Variants in STEAP3 observed in about 807,000 individuals in gnomAD.
The protein encoded by STEAP3 is metalloreductase STEAP3.
A neutral mutation model predicts 34.9 loss-of-function variants in STEAP3; 35 were observed. That is an observed-to-expected ratio of 1.00 (90% confidence interval 0.76 to 1.33). STEAP3 has a LOEUF of 1.33. Ranked by LOEUF, STEAP3 falls within the 40% of genes most tolerant of loss-of-function variation. The pLI is 0.00. For synonymous variants in STEAP3, 281 were observed against 301.6 expected, an observed-to-expected ratio of 0.93 and a Z score of 0.71; for missense variants, 652 against 667.6, an observed-to-expected ratio of 0.98 and a Z score of 0.26.
At position 119,247,991 on chromosome 2, in the gene STEAP3, C is replaced by T; in HGVS notation, c.835C>T (p.Leu279Phe). Residue 279 changes from leucine to phenylalanine, a missense_variant, in exon 4 of 6, where the codon CTC (leucine) becomes TTC (phenylalanine). Coordinates refer to ENST00000393110, the MANE Select transcript of STEAP3 (RefSeq NM_182915.3). Reference protein sequence around the residue: ...LPCVAYVLLSLVYLPGVLAAA... With the variant: ...LPCVAYVLLSFVYLPGVLAAA... ...GTGCGTGGCCTACGTGCTGCTGTCA[C>T]TCGTGTACTTGCCCGGCGTGCTGGC... 6.2e-7 allele frequency: 1 copy of T among 1,612,496 alleles called. No homozygotes were observed. Among genetic ancestry groups the T allele is most frequent in the Non-Finnish European group, 8.5e-7 (1 of 1,179,958 alleles).
intron 2 of STEAP3, chr2:119,244,413 T>TA (rs61489779): frequency 6.6e-6 from 1 of 151,342 alleles, no homozygotes; most frequent in Non-Finnish European, 1.5e-5. Context: ...ATTTTTTTTT[T>TA]ATTTTTTTAG....
At chr2:119,257,763 A>C in intron 5 of STEAP3, 1 of 1,339,010 alleles carries the variant, frequency 7.5e-7, no homozygotes, top group Non-Finnish European at 9.6e-7. Context: ...CCTCCCCTAC[A>C]CACATGTCCA....
rs372065464 is a variant in STEAP3, at chr2:119,232,536, T to C, written c.22+1502T>C. Among the ~76,000 whole-genome samples, 419 of 152,322 alleles carry C rather than the reference T, an allele frequency of 2.8e-3. 4 individuals carry two copies. Among genetic ancestry groups the C allele is most frequent in the African/African-American group, 9.4e-3 (391 of 41,570 alleles). On this transcript the variant is annotated intron_variant, in intron 2 of 5. Coordinates refer to ENST00000393110, the MANE Select transcript of STEAP3 (RefSeq NM_182915.3). ...CTGTTGGGGAAGACGGAATTCATGC[T>C]GTAGGGGAGGCCCGGAGTTTCTACA...
intron 1 of STEAP3, among the ~76,000 whole-genome samples, chr2:119,225,283 G>C (rs779610484): frequency 6.6e-6 from 1 of 152,240 alleles, no homozygotes; most frequent in Non-Finnish European, 1.5e-5. Context: ...TGTCTAATGG[G>C]TAAGTGGGCG....
At chr2:119,228,455 G>T (rs747119294) in intron 1 of STEAP3, among the ~76,000 whole-genome samples, 1 of 152,186 alleles carries the variant, frequency 6.6e-6, no homozygotes, top group African/African-American at 2.4e-5. Context: ...CCATCAAATC[G>T]CCCCAACCTG....
At chr2:119,235,447 C>T (rs1439714447) in intron 2 of STEAP3, among the ~76,000 whole-genome samples, 3 of 152,234 alleles carry the variant, frequency 2.0e-5, no homozygotes, top group Non-Finnish European at 4.4e-5. Flanking sequence ...GTTGCTCTTG[C>T]ATGCAAGTGA....
At chr2:119,225,715 G>A (rs1191078463) in intron 1 of STEAP3, among the ~76,000 whole-genome samples, 1 of 152,222 alleles carries the variant, frequency 6.6e-6, no homozygotes, top group Non-Finnish European at 1.5e-5. Flanking sequence ...GCAAAAGGTC[G>A]CTGGCTGAGT....
At chr2:119,241,896 A>G (rs1260577232) in intron 2 of STEAP3, among the ~76,000 whole-genome samples, 1 of 152,216 alleles carries the variant, frequency 6.6e-6, no homozygotes, top group Non-Finnish European at 1.5e-5. Context: ...GAGGTAAATC[A>G]TTCGAGGTTT....
At position 119,263,233 on chromosome 2, in the gene STEAP3, C is replaced by T. The variant is rs755691787; in HGVS notation, c.1392C>T (p.Ile464=). Residue 464 remains isoleucine, a synonymous_variant, in exon 6 of 6, where the codon ATC becomes ATT. Coordinates refer to ENST00000393110, the MANE Select transcript of STEAP3 (RefSeq NM_182915.3). ...AAGCCCTGTTTCTCCTGCCCTGCAT[C>T]AGCCGCAGACTCGCCAGGATCCGGA... The part of the protein sequence containing the change: ...LAKALFLLPC[I]SRRLARIRRG... 2.5e-6 allele frequency: 4 copies of T among 1,614,164 alleles called. No individual in the cohort carries two copies. Among genetic ancestry groups the T allele is most frequent in the Non-Finnish European group, 3.4e-6 (4 of 1,180,036 alleles).
At position 119,254,588 on chromosome 2, in the gene STEAP3, G is replaced by A. The variant is rs181882295; in HGVS notation, c.1051-96G>A. ...AGGTAGCGTCAGGTGCAGTGTGAGC[G>A]CCCGCCGTCTTGTCTTTCTTGTGTC... On this transcript the variant is annotated intron_variant, in intron 4 of 5. Transcript: ENST00000393110. 116 of 1,422,152 alleles carry A rather than the reference G, an allele frequency of 8.2e-5. 2 individuals carry two copies. Among genetic ancestry groups the A allele is most frequent in the African/African-American group, 7.9e-4 (56 of 71,334 alleles). The allele number at this position is 1,422,152 out of a possible 1,614,324, so 88.1% of individuals were successfully genotyped here. A position where few individuals can be genotyped will look rare whatever the true frequency, so the allele number is the denominator to read the frequency against.
Position 119,234,928 on chromosome 2 carries a change from T to G in STEAP3, c.22+3894T>G, listed in dbSNP as rs76364110. 7.5e-3 allele frequency among the ~76,000 whole-genome samples: 1,139 copies of G among 152,104 alleles called. 34 individuals are homozygous for G. In the South Asian group the frequency reaches 0.088, roughly 12 times the overall value. On this transcript the variant is annotated intron_variant, in intron 2 of 5. Transcript: ENST00000393110. ...ATCCTTCCCATACGCTGGCGATGGG[T>G]AGTAATGAACTGTCCCAGTGAGCAG...
intron 2 of STEAP3, among the ~76,000 whole-genome samples, chr2:119,236,084 A>T (rs13391380): frequency 0.074 from 11,290 of 152,246 alleles, 467 homozygotes; most frequent in Middle Eastern, 0.11. Flanking sequence ...CCTCCAGGCC[A>T]TTATCTTAGA....
At chr2:119,230,029 T>C (rs1349024850) in intron 1 of STEAP3, among the ~76,000 whole-genome samples, 1 of 152,184 alleles carries the variant, frequency 6.6e-6, no homozygotes, top group Non-Finnish European at 1.5e-5. Flanking sequence ...AGAACCTGTT[T>C]ATCAGATGCT....
intron 1 of STEAP3, among the ~76,000 whole-genome samples, chr2:119,224,496 C>T (rs1678975385): frequency 6.6e-6 from 1 of 152,238 alleles, no homozygotes; most frequent in Admixed American, 6.5e-5. Context: ...CCCCTCCTGC[C>T]CACTTCCCCG....
intron 2 of STEAP3, among the ~76,000 whole-genome samples, chr2:119,233,554 C>T (rs960924616): frequency 6.6e-6 from 1 of 152,192 alleles, no homozygotes; most frequent in Non-Finnish European, 1.5e-5. Flanking sequence ...CTCACAAATA[C>T]TCCCCTTAGA....
Position 119,263,929 on chromosome 2 carries a change from G to A in STEAP3, c.*591G>A, listed in dbSNP as rs553122530. 2.3e-5 allele frequency: 4 copies of A among 177,436 alleles called. No individual in the cohort carries two copies. Among genetic ancestry groups the A allele is most frequent in the Admixed American group, 5.4e-5 (1 of 18,372 alleles). 11.0% of individuals were successfully genotyped at this position (177,436 alleles called of 1,614,324 possible). On this transcript the variant is annotated 3_prime_UTR_variant, in exon 6 of 6. Coordinates refer to ENST00000393110, the MANE Select transcript of STEAP3 (RefSeq NM_182915.3). The stretch of plus-strand genomic sequence containing the variant: ...AGGAAAATCAGGCAGTCGGCCTGGA[G>A]TCTGTGCCTGGTCCTTTGCCCGGTG...
intron 2 of STEAP3, among the ~76,000 whole-genome samples, chr2:119,237,760 A>G (rs1370569312): frequency 1.3e-5 from 2 of 152,210 alleles, no homozygotes; most frequent in Non-Finnish European, 2.9e-5. Flanking sequence ...TTACTGAGCT[A>G]TGCCTCACAT....
chr2:119,247,715 G>T lies in STEAP3; in HGVS notation c.559G>T (p.Ala187Ser), dbSNP rs1366973874. 1.3e-6 allele frequency: 2 copies of T among 1,558,434 alleles called. No homozygotes were observed. The highest frequency in any genetic ancestry group is 1.8e-5 in the Admixed American group (1 of 54,258). Residue 187 changes from alanine (A) to serine (S), a missense_variant, in exon 4 of 6, where the codon GCT becomes TCT. Transcript: ENST00000393110. Reference sequence around the variant, plus strand: ...CGGTGACCAGCCAGAAGCCAAGCGTGCTGTCTCGGAGATGGCGCTCGCCAT... The same window carrying T: ...CGGTGACCAGCCAGAAGCCAAGCGTTCTGTCTCGGAGATGGCGCTCGCCAT... The part of the protein sequence containing the change: ...ICGDQPEAKR[A>S]VSEMALAMGF...
chr2:119,229,252 C>T (rs949421754), intron 1 of STEAP3, among the ~76,000 whole-genome samples: 2 of 152,198 alleles, frequency 1.3e-5, no homozygotes, highest in South Asian at 2.1e-4. Context: ...AAGCAATTCT[C>T]GTGCCTCAGC....
Sources: gnomAD v4.1 joint callset for allele counts (sites outside exome capture counted in the v4.1 genomes callset) on GRCh38, gnomAD v4.1.1 for gene constraint, MANE v1.5 for transcripts, NCBI Gene and HGNC (gene_info 2026-07-23, HGNC 2026-07-21) for gene names.